Variants in PTPRR observed in about 807,000 individuals in gnomAD.
PTPRR encodes the protein receptor-type tyrosine-protein phosphatase R.
PTPRR carries 38 observed loss-of-function variants against 77.2 expected under a neutral mutation model. That is an observed-to-expected ratio of 0.49 (90% CI 0.38 to 0.65). The LOEUF (loss-of-function observed/expected upper bound fraction) is 0.65. Among genes scored for constraint, PTPRR ranks in the 30% least tolerant of loss-of-function variants. The probability of loss-of-function intolerance (pLI) is 0.00; values close to 1 mark genes in which losing one functional copy is unlikely to be tolerated. For synonymous variants in PTPRR, 299 were observed against 283.1 expected (o/e 1.06, Z -0.57); for missense variants, 744 against 799.2 (o/e 0.93, Z 0.83).
intron 10 of PTPRR, among the ~76,000 whole-genome samples, chr12:70,671,608 A>G (rs1179688943): frequency 6.6e-6 from 1 of 152,234 alleles, no homozygotes; most frequent in Non-Finnish European, 1.5e-5. Flanking sequence ...CCACAGATCC[A>G]TTTGGCTCTC....
intron 6 of PTPRR, among the ~76,000 whole-genome samples, chr12:70,713,009 A>C (rs1029411435): frequency 1.1e-4 from 16 of 152,160 alleles, no homozygotes; most frequent in South Asian, 2.1e-4. Context: ...CACTCCCCCC[A>C]AAAAAATTCT....
chr12:70,770,616 A>G (rs2136981725), intron 2 of PTPRR, among the ~76,000 whole-genome samples: 1 of 152,344 alleles, frequency 6.6e-6, no homozygotes, highest in East Asian at 1.9e-4. Context: ...AGGGATCTAG[A>G]ACTAGAAATA....
chr12:70,818,177 A>G, intron 2 of PTPRR, among the ~76,000 whole-genome samples: 1 of 149,966 alleles, frequency 6.7e-6, no homozygotes, highest in East Asian at 2.0e-4. Flanking sequence ...CAGAGGTTGC[A>G]GTGAGCCAAG....
intron 1 of PTPRR, among the ~76,000 whole-genome samples, chr12:70,909,020 T>C (rs754635827): frequency 6.6e-6 from 1 of 152,074 alleles, no homozygotes; most frequent in Non-Finnish European, 1.5e-5. Flanking sequence ...AAATTGGAGA[T>C]TGAAGCTCAG....
At chr12:70,655,964 C>A (rs1242171519) in intron 13 of PTPRR, among the ~76,000 whole-genome samples, 1 of 152,076 alleles carries the variant, frequency 6.6e-6, no homozygotes, top group Non-Finnish European at 1.5e-5. Flanking sequence ...GTAATCCCAG[C>A]ACTTTGGGAG....
chr12:70,773,146 T>C (rs1592749152), intron 2 of PTPRR, among the ~76,000 whole-genome samples: 1 of 152,142 alleles, frequency 6.6e-6, no homozygotes, highest in African/African-American at 2.4e-5. Context: ...AATTTTCCCT[T>C]TTTATAAGGG....
At chr12:70,784,952 C>A (rs1443490186) in intron 2 of PTPRR, among the ~76,000 whole-genome samples, 4 of 152,148 alleles carry the variant, frequency 2.6e-5, no homozygotes. Flanking sequence ...AAACTCTAGG[C>A]CCCAGGAAAA....
At chr12:70,857,858 C>G (rs1831316660) in intron 2 of PTPRR, among the ~76,000 whole-genome samples, 1 of 152,066 alleles carries the variant, frequency 6.6e-6, no homozygotes, top group Non-Finnish European at 1.5e-5. Flanking sequence ...AGGCAAAAGT[C>G]AGGCTGGGGC....
At chr12:70,738,509 T>G (rs1412261510) in intron 6 of PTPRR, among the ~76,000 whole-genome samples, 1 of 152,160 alleles carries the variant, frequency 6.6e-6, no homozygotes, top group Non-Finnish European at 1.5e-5. Context: ...GAAAATCAAG[T>G]GAGAAAAATG....
chr12:70,754,414 A>G, intron 4 of PTPRR, 113 bp from the exon 5 acceptor site: 1 of 1,566,738 alleles, frequency 6.4e-7, no homozygotes. Context: ...AGTGCAACAC[A>G]CCTACACCCC....
intron 10 of PTPRR, chr12:70,673,046 A>AG (rs1555248093): frequency 1.4e-3 from 1,162 of 844,020 alleles, no homozygotes; most frequent in Non-Finnish European, 1.6e-3. Context: ...AAAAAAAAAA[A>AG]AAAGAAAGAA....
chr12:70,883,996 G>T (rs1180906707), intron 2 of PTPRR, among the ~76,000 whole-genome samples: 39 of 152,142 alleles, frequency 2.6e-4, no homozygotes, highest in Admixed American at 2.6e-3. Flanking sequence ...CCATGCATGG[G>T]TCTGTGGATA....
At chr12:70,760,439 T>C (rs150180020) in intron 4 of PTPRR, among the ~76,000 whole-genome samples, 1 of 152,274 alleles carries the variant, frequency 6.6e-6, no homozygotes, top group African/African-American at 2.4e-5. Context: ...ACACCTGTGA[T>C]ACTAAAATGA....
At chr12:70,689,912 C>T (rs11178364) in intron 8 of PTPRR, among the ~76,000 whole-genome samples, 22,278 of 152,212 alleles carry the variant, frequency 0.15, 1,888 homozygotes, top group African/African-American at 0.23. Context: ...TGGTAGGATG[C>T]ACAGCTTAAG....
intron 2 of PTPRR, among the ~76,000 whole-genome samples, chr12:70,816,021 T>C (rs1891896831): frequency 6.6e-6 from 1 of 152,180 alleles, no homozygotes; most frequent in Non-Finnish European, 1.5e-5. Context: ...TCCTGAGTTA[T>C]CTACGTCTTC....
At chr12:70,844,096 G>A (rs896521408) in intron 2 of PTPRR, among the ~76,000 whole-genome samples, 17 of 152,128 alleles carry the variant, frequency 1.1e-4, no homozygotes, top group African/African-American at 3.9e-4. Context: ...GATTACAGGC[G>A]TGAGTCACCA....
intron 2 of PTPRR, among the ~76,000 whole-genome samples, chr12:70,890,255 T>C (rs966700627): frequency 3.3e-5 from 5 of 152,212 alleles, no homozygotes; most frequent in East Asian, 3.8e-4. Context: ...CGGAACATAG[T>C]TAGCATTATT....
In PTPRR at chr12:70,869,348, A is replaced by T. The variant is rs1892921337; in HGVS notation, c.357+23331T>A. Among the ~76,000 whole-genome samples, 5 of 152,262 alleles carry T rather than the reference A, an allele frequency of 3.3e-5. No individual in the cohort carries two copies. The South Asian group carries it at 8.3e-4, about 25-fold the overall frequency. On this transcript the variant is annotated intron_variant, in intron 2 of 13. Transcript: ENST00000283228. ...AGTGAAGAGTGCAGATTGACCTGGC[A>T]ATCACAGTCTTGCTTTGAGGAGACT...
intron 10 of PTPRR, among the ~76,000 whole-genome samples, chr12:70,669,287 AG>A (rs1466979676): frequency 6.6e-6 from 1 of 151,994 alleles, no homozygotes; most frequent in African/African-American, 2.4e-5. Context: ...CAAACTTAAC[AG>A]GTTAAAGATG....
Sources: gnomAD v4.1 joint callset for allele counts (sites outside exome capture counted in the v4.1 genomes callset) on GRCh38, gnomAD v4.1.1 for gene constraint, MANE v1.5 for transcripts, NCBI Gene and HGNC (gene_info 2026-07-23, HGNC 2026-07-21) for gene names.